MED13L: variants seen among roughly 807,000 people sequenced by gnomAD.
The protein encoded by MED13L is mediator of RNA polymerase II transcription subunit 13-like.
MED13L carries 7 observed loss-of-function variants against 220.9 expected under a neutral mutation model. The observed-to-expected ratio is 0.03, with a 90% confidence interval of 0.02 to 0.06. The LOEUF (loss-of-function observed/expected upper bound fraction) is 0.06, where lower values mean the gene tolerates loss of function less well. Ranked by LOEUF, MED13L falls within the 10% of genes least tolerant of loss-of-function variation. The pLI is 1.00. For missense variants in MED13L, 1,965 were observed against 2,760.5 expected (o/e 0.71, Z 6.46); for synonymous variants, 1,011 against 1,015.2 (o/e 1.00, Z 0.08).
intron 4 of MED13L, among the ~76,000 whole-genome samples, chr12:116,032,949 G>C (rs1433667940): frequency 6.6e-6 from 1 of 152,112 alleles, no homozygotes; most frequent in Non-Finnish European, 1.5e-5. Context: ...GTAGAGCAGA[G>C]AGGGAGAAGA....
chr12:116,029,029 C>T (rs1880564971), intron 4 of MED13L, among the ~76,000 whole-genome samples: 1 of 152,080 alleles, frequency 6.6e-6, no homozygotes, highest in African/African-American at 2.4e-5. Context: ...CCATGCTACC[C>T]TTTTCTTCAT....
chr12:116,017,493 T>C (rs1184123541), intron 7 of MED13L, among the ~76,000 whole-genome samples: 1 of 152,248 alleles, frequency 6.6e-6, no homozygotes, highest in Non-Finnish European at 1.5e-5. Flanking sequence ...TCATATATCT[T>C]CTCTATGATG....
At chr12:115,979,890 G>A (rs1348827013) in intron 23 of MED13L, among the ~76,000 whole-genome samples, 1 of 152,066 alleles carries the variant, frequency 6.6e-6, no homozygotes, top group East Asian at 1.9e-4. Flanking sequence ...AACATGTTTA[G>A]CTTTGGTGTT....
At chr12:116,186,428 T>C (rs1880906959) in intron 2 of MED13L, among the ~76,000 whole-genome samples, 2 of 152,222 alleles carry the variant, frequency 1.3e-5, no homozygotes, top group African/African-American at 4.8e-5. Context: ...GTTCTATACC[T>C]GCTTTTTCAT....
Position 116,006,415 on chromosome 12 carries a change from T to C in MED13L, c.2239-4A>G, listed in dbSNP as rs1457872561. 3 of 1,612,302 alleles carry C rather than the reference T, an allele frequency of 1.9e-6. No homozygotes were observed. In the South Asian group the frequency reaches 3.3e-5, roughly 18 times the overall value. On this transcript the variant is annotated splice_polypyrimidine_tract_variant and splice_region_variant and intron_variant, in intron 11 of 30. Coordinates refer to ENST00000281928, the MANE Select transcript of MED13L (RefSeq NM_015335.5). ...TGGTACCAAATCCATCCTCTGACTG[T>C]ATAATAAATTCAGCCAAACAAAACA... is the stretch of plus-strand genomic sequence containing the variant.
At chr12:116,179,436 C>T (rs1880338375) in intron 2 of MED13L, among the ~76,000 whole-genome samples, 1 of 151,928 alleles carries the variant, frequency 6.6e-6, no homozygotes, top group African/African-American at 2.4e-5. Flanking sequence ...ATAGTGACAC[C>T]TCATCTCTAC....
At chr12:116,202,779 C>G (rs1206414576) in intron 2 of MED13L, among the ~76,000 whole-genome samples, 2 of 152,156 alleles carry the variant, frequency 1.3e-5, no homozygotes, top group African/African-American at 4.8e-5. Flanking sequence ...AGCGTCTCCC[C>G]ACAGATTCAC....
At chr12:116,009,966 T>C (rs1013415978) in intron 9 of MED13L, among the ~76,000 whole-genome samples, 34 of 152,068 alleles carry the variant, frequency 2.2e-4, no homozygotes, top group African/African-American at 7.2e-4. Context: ...CGGGGAAAAA[T>C]ATGAGGTCTC....
chr12:115,972,533 G>A, intron 25 of MED13L: 1 of 392,510 alleles, frequency 2.5e-6, no homozygotes, highest in Non-Finnish European at 4.9e-6. Flanking sequence ...GGCACTTAGA[G>A]TGCTTTTCCA....
chr12:116,214,542 A>G (rs1882888001), intron 2 of MED13L, among the ~76,000 whole-genome samples: 1 of 152,192 alleles, frequency 6.6e-6, no homozygotes, highest in Non-Finnish European at 1.5e-5. Flanking sequence ...CTATATTTAT[A>G]TATCATCCTA....
intron 4 of MED13L, among the ~76,000 whole-genome samples, chr12:116,022,922 CT>C (rs1427952102): frequency 6.6e-6 from 1 of 152,180 alleles, no homozygotes; most frequent in African/African-American, 2.4e-5. Flanking sequence ...TTTCTATTGT[CT>C]CAGTGTCTAG....
At chr12:116,177,905 G>A (rs1032215471) in intron 2 of MED13L, among the ~76,000 whole-genome samples, 3 of 152,128 alleles carry the variant, frequency 2.0e-5, no homozygotes, top group African/African-American at 7.2e-5. Flanking sequence ...CCAGGTTGGA[G>A]TGTACAGTGG....
At chr12:116,192,479 T>C (rs1881347146) in intron 2 of MED13L, among the ~76,000 whole-genome samples, 1 of 152,044 alleles carries the variant, frequency 6.6e-6, no homozygotes, top group Non-Finnish European at 1.5e-5. Flanking sequence ...AGAAATAAAA[T>C]CTCAGTTAAC....
At chr12:116,210,500 C>T (rs1236979648) in intron 2 of MED13L, among the ~76,000 whole-genome samples, 2 of 146,494 alleles carry the variant, frequency 1.4e-5, no homozygotes, top group Non-Finnish European at 3.0e-5. Context: ...TAACACCTCC[C>T]TAAAACTTGA....
At chr12:116,002,921 T>C in intron 14 of MED13L, 82 bp downstream of exon 14, 2 of 1,129,328 alleles carry the variant, frequency 1.8e-6, no homozygotes, top group Non-Finnish European at 2.7e-6. Context: ...CAGATAAAGA[T>C]AAAGCACCAC....
chr12:116,218,112 C>T (rs1883109791), intron 2 of MED13L, among the ~76,000 whole-genome samples: 1 of 152,124 alleles, frequency 6.6e-6, no homozygotes, highest in African/African-American at 2.4e-5. Flanking sequence ...ATCTAATCAG[C>T]CTTTCTCTAA....
intron 2 of MED13L, among the ~76,000 whole-genome samples, chr12:116,149,291 C>T (rs1373402239): frequency 6.6e-6 from 1 of 152,086 alleles, no homozygotes; most frequent in East Asian, 1.9e-4. Context: ...ACAGTTAAGT[C>T]TTAGACCCCA....
intron 13 of MED13L, among the ~76,000 whole-genome samples, chr12:116,004,145 G>C (rs1176773546): frequency 2.6e-5 from 4 of 152,070 alleles, no homozygotes; most frequent in Non-Finnish European, 4.4e-5. Flanking sequence ...GATCAGGCAG[G>C]CCACTCCAAA....
chr12:115,980,960 A>C (rs768911680), intron 22 of MED13L, 22 bp from the exon 23 acceptor site: 1 of 1,600,458 alleles, frequency 6.2e-7, no homozygotes, highest in South Asian at 1.1e-5. Flanking sequence ...AATACAAAAA[A>C]AAAACAAAAA....
Sources: gnomAD v4.1 joint callset for allele counts (sites outside exome capture counted in the v4.1 genomes callset) on GRCh38, gnomAD v4.1.1 for gene constraint, MANE v1.5 for transcripts, NCBI Gene and HGNC (gene_info 2026-07-23, HGNC 2026-07-21) for gene names.